Variants in KIAA1671 observed in about 807,000 individuals in gnomAD.
KIAA1671 encodes the protein KIAA1671.
Under a neutral mutation model 131.2 loss-of-function variants are expected in KIAA1671, and 52 were observed. The observed-to-expected ratio is 0.40, with a 90% CI of 0.32 to 0.50. The LOEUF is 0.50. KIAA1671 is among the 20% of genes least tolerant of loss of function. The pLI is 0.73. For missense variants in KIAA1671, 2,360 were observed against 2,364.2 expected (o/e 1.00, Z 0.04); for synonymous variants, 1,003 against 961.6 (o/e 1.04, Z -0.80).
rs561693679 is a variant in KIAA1671 at position 25,152,801 on chromosome 22, C to T, written c.4531-18019C>T. ...TATTTTTAGTGGAGATGGGGGGTTT[C>T]ACCATGTTGGCCAGGCTGGTCTCGA... is the stretch of plus-strand genomic sequence containing the variant. On this transcript the variant is annotated intron_variant, in intron 6 of 12. Coordinates refer to ENST00000358431, the MANE Select transcript of KIAA1671 (RefSeq NM_001145206.2). Among the ~76,000 whole-genome samples, 5 of 152,292 alleles carry T rather than the reference C, an allele frequency of 3.3e-5. No individual in the cohort carries two copies. The South Asian group carries it at 1.0e-3, about 32-fold the overall frequency.
chr22:25,049,150 T>A, intron 5 of KIAA1671, 80 bp from the exon 6 acceptor site: 1 of 1,486,648 alleles, frequency 6.7e-7, no homozygotes, highest in Non-Finnish European at 9.1e-7. Context: ...TGGTACAGAA[T>A]GGACTCTTGG....
chr22:25,097,236 G>C (rs1055900497), intron 6 of KIAA1671, among the ~76,000 whole-genome samples: 1 of 152,108 alleles, frequency 6.6e-6, no homozygotes, highest in Non-Finnish European at 1.5e-5. Context: ...CCACCCTCAG[G>C]GTATGAGAGG....
At chr22:25,117,585 CCACACACACACACACACACACACA>C (rs4049524) in intron 6 of KIAA1671, among the ~76,000 whole-genome samples, 3 of 123,836 alleles carry the variant, frequency 2.4e-5, no homozygotes, top group Admixed American at 8.4e-5. Flanking sequence ...TCTCCCCCAA[CCACACACACACACACACACACACA>C]CACACACACA....
At chr22:25,109,673 T>C (rs1931230913) in intron 6 of KIAA1671, among the ~76,000 whole-genome samples, 1 of 152,226 alleles carries the variant, frequency 6.6e-6, no homozygotes, top group South Asian at 2.1e-4. Flanking sequence ...TGTGAATGCT[T>C]AGAAATGGTG....
chr22:25,113,892 G>GCTCT (rs1490531145), intron 6 of KIAA1671, among the ~76,000 whole-genome samples: 7 of 152,180 alleles, frequency 4.6e-5, no homozygotes, highest in Non-Finnish European at 1.0e-4. Context: ...TTTCTGCCTT[G>GCTCT]CTCTGTCTCT....
At chr22:24,978,181 G>T (rs944064256) in intron 1 of KIAA1671, among the ~76,000 whole-genome samples, 1 of 152,188 alleles carries the variant, frequency 6.6e-6, no homozygotes, top group African/African-American at 2.4e-5. Flanking sequence ...CCCATGTGTT[G>T]TGAGAGGGAC....
chr22:24,993,761 T>C (rs1484142298), intron 1 of KIAA1671, among the ~76,000 whole-genome samples: 1 of 151,932 alleles, frequency 6.6e-6, no homozygotes, highest in Non-Finnish European at 1.5e-5. Context: ...TTTGGAAAAA[T>C]TGGAAAAAGA....
intron 6 of KIAA1671, among the ~76,000 whole-genome samples, chr22:25,078,960 C>A (rs1022220718): frequency 3.3e-5 from 5 of 152,146 alleles, no homozygotes; most frequent in Non-Finnish European, 7.3e-5. Flanking sequence ...GGGCCTCGAG[C>A]AAATCTCTTA....
chr22:25,101,197 C>T (rs954165447), intron 6 of KIAA1671, among the ~76,000 whole-genome samples: 3 of 152,216 alleles, frequency 2.0e-5, no homozygotes, highest in African/African-American at 4.8e-5. Flanking sequence ...TGATTGCCCC[C>T]AGAACCACCG....
At chr22:25,154,388 C>G (rs537516045) in intron 6 of KIAA1671, among the ~76,000 whole-genome samples, 1 of 152,360 alleles carries the variant, frequency 6.6e-6, no homozygotes, top group African/African-American at 2.4e-5. Context: ...CTCCTCAGGA[C>G]AGACAGGAAC....
chr22:25,079,219 G>T (rs1929268397), intron 6 of KIAA1671, among the ~76,000 whole-genome samples: 1 of 148,342 alleles, frequency 6.7e-6, no homozygotes, highest in Non-Finnish European at 1.5e-5. Context: ...CATGTTTCCT[G>T]CCCCAGGGAC....
chr22:24,963,486 C>T (rs1922123475), intron 1 of KIAA1671, among the ~76,000 whole-genome samples: 1 of 151,466 alleles, frequency 6.6e-6, no homozygotes, highest in South Asian at 2.1e-4. Flanking sequence ...GAGGGAGCAT[C>T]TGGGGTTGCT....
At position 25,190,695 on chromosome 22, in the gene KIAA1671, G is replaced by A. The variant is rs17607104; in HGVS notation, c.5343-7G>A. On this transcript the variant is annotated splice_polypyrimidine_tract_variant and splice_region_variant and intron_variant, in intron 11 of 12. Transcript: ENST00000358431. ...CAACTAGTCTCTTACTGGCTTTGTG[G>A]TTTCAGGTCGGATGAACCCTCTCCC... The A allele has an allele frequency of 0.048, 73,673 of 1,549,622 alleles. 2,118 individuals carry two copies. The highest frequency in any genetic ancestry group is 0.08 in the Middle Eastern group (477 of 5,984).
chr22:24,980,505 C>G (rs978632729), intron 1 of KIAA1671, among the ~76,000 whole-genome samples: 1 of 151,774 alleles, frequency 6.6e-6, no homozygotes, highest in Non-Finnish European at 1.5e-5. Flanking sequence ...CTCCTAACCT[C>G]CTGATCCACC....
In KIAA1671 at chr22:25,196,644, C is replaced by A. The variant is rs1934838460; in HGVS notation, c.*4243C>A. The A allele has an allele frequency of 6.6e-6, 1 of 152,056 alleles. No individual in the cohort carries two copies. Among genetic ancestry groups the A allele is most frequent in the Admixed American group, 6.5e-5 (1 of 15,272 alleles). 9.4% of individuals were successfully genotyped at this position (152,056 alleles called of 1,614,324 possible). A position where few individuals can be genotyped will look rare whatever the true frequency, so the allele number is the denominator to read the frequency against. ...GTAGAAACAGGATCTCACTATATTG[C>A]CCAAGCTGGTCTTAAACTTGGTCTC... On this transcript the variant is annotated 3_prime_UTR_variant, in exon 13 of 13. Transcript: ENST00000358431.
In KIAA1671 at chr22:25,028,064, T is replaced by A; in HGVS notation, c.65T>A (p.Met22Lys). Residue 22 changes from methionine to lysine, a missense_variant, in exon 3 of 13, where the codon ATG (methionine) becomes AAG (lysine). Coordinates refer to ENST00000358431, the MANE Select transcript of KIAA1671 (RefSeq NM_001145206.2). ...PLTAVPGLGE[M>K]GKEETLTRTY... Reference sequence around the variant, plus strand: ...ACGGCCGTGCCAGGCCTGGGTGAGATGGGCAAGGAGGAGACCCTGACGAGG... The same window carrying A: ...ACGGCCGTGCCAGGCCTGGGTGAGAAGGGCAAGGAGGAGACCCTGACGAGG... 1 of 1,547,798 alleles carries A rather than the reference T, an allele frequency of 6.5e-7. No individual in the cohort carries two copies. Among genetic ancestry groups the A allele is most frequent in the Non-Finnish European group, 8.7e-7 (1 of 1,144,872 alleles).
At chr22:25,114,810 C>G (rs1981232920) in intron 6 of KIAA1671, among the ~76,000 whole-genome samples, 1 of 152,144 alleles carries the variant, frequency 6.6e-6, no homozygotes, top group Non-Finnish European at 1.5e-5. Flanking sequence ...TGGGAAGAAA[C>G]TTTTTAAAGC....
intron 8 of KIAA1671, 61 bp from the exon 9 acceptor site, chr22:25,177,287 T>G: frequency 6.9e-7 from 1 of 1,454,682 alleles, no homozygotes; most frequent in South Asian, 1.3e-5. Context: ...AACTGTGTTG[T>G]GGTACCCTCC....
At chr22:25,152,701 C>T (rs775711161) in intron 6 of KIAA1671, among the ~76,000 whole-genome samples, 2 of 152,158 alleles carry the variant, frequency 1.3e-5, no homozygotes, top group East Asian at 3.9e-4. Flanking sequence ...CTCCTGAGTT[C>T]AAGCGATTCT....
Sources: gnomAD v4.1 joint callset for allele counts (sites outside exome capture counted in the v4.1 genomes callset) on GRCh38, gnomAD v4.1.1 for gene constraint, MANE v1.5 for transcripts, NCBI Gene and HGNC (gene_info 2026-07-23, HGNC 2026-07-21) for gene names.